PIERCE1: variants seen among roughly 807,000 people sequenced by gnomAD.
PIERCE1 encodes piercer of microtubule wall 1, also known as piercer of microtubule wall 1 protein.
the PIERCE1 span, chr9:135,498,651 A>T: frequency 1.2e-6 from 2 of 1,614,014 alleles, no homozygotes; most frequent in Non-Finnish European, 1.7e-6. The surrounding 1 kb of genome is among the most constrained non-coding windows in gnomAD (Gnocchi z 4.1). Context: ...ACACGGAGAC[A>T]GCCTTCTGGG....
chr9:135,498,308 G>T, the PIERCE1 span, among the ~76,000 whole-genome samples: 2 of 152,068 alleles, frequency 1.3e-5, no homozygotes, highest in Non-Finnish European at 2.9e-5. The surrounding 1 kb of genome is among the most constrained non-coding windows in gnomAD (Gnocchi z 4.1). Flanking sequence ...CGTGTGGTTG[G>T]GTGTATGGGG....
the PIERCE1 span, chr9:135,495,545 G>A: frequency 3.7e-6 from 6 of 1,614,022 alleles, no homozygotes; most frequent in East Asian, 4.5e-5. Context: ...AACATTGAGA[G>A]TATTGTTCCG....
chr9:135,499,322 T>G, the PIERCE1 span: 4 of 441,080 alleles, frequency 9.1e-6, no homozygotes, highest in Non-Finnish European at 1.8e-5. Context: ...TCTTACTACT[T>G]CTTAGCCTGC....
the PIERCE1 span, chr9:135,495,737 G>T: frequency 1.1e-6 from 1 of 898,588 alleles, no homozygotes; most frequent in Non-Finnish European, 1.7e-6. Context: ...TGGGTAGGAT[G>T]GCCTGGCTCA....
chr9:135,498,298 C>T, the PIERCE1 span, among the ~76,000 whole-genome samples: 1 of 152,212 alleles, frequency 6.6e-6, no homozygotes. The surrounding 1 kb of genome is among the most constrained non-coding windows in gnomAD (Gnocchi z 4.1). Context: ...GACTGCTGTG[C>T]GTGTGGTTGG....
the PIERCE1 span, among the ~76,000 whole-genome samples, chr9:135,496,794 A>ATTTTTTTT: frequency 2.4e-5 from 3 of 122,726 alleles, 1 homozygote; most frequent in African/African-American, 9.5e-5. Context: ...CCTTCAGTGC[A>ATTTTTTTT]TTTTTTTTTT....
chr9:135,495,514 C>G, the PIERCE1 span: 1 of 1,613,962 alleles, frequency 6.2e-7, no homozygotes, highest in South Asian at 1.1e-5. Context: ...CGGGGCCAGT[C>G]ACGATGCTTT....
At chr9:135,498,016 AT>A in the PIERCE1 span, among the ~76,000 whole-genome samples, 2 of 152,064 alleles carry the variant, frequency 1.3e-5, no homozygotes, top group African/African-American at 4.8e-5. The surrounding 1 kb of genome is among the most constrained non-coding windows in gnomAD (Gnocchi z 4.1). Flanking sequence ...CTGGACCTTC[AT>A]GGGGTTTGGT....
chr9:135,495,754 A>G, the PIERCE1 span: 1 of 731,042 alleles, frequency 1.4e-6, no homozygotes, highest in Non-Finnish European at 2.2e-6. Flanking sequence ...CTCACCCCAG[A>G]CCATCCTAAT....
chr9:135,495,508 G>C, the PIERCE1 span: 4 of 1,613,980 alleles, frequency 2.5e-6, no homozygotes, highest in African/African-American at 5.3e-5. Context: ...AGTTATCGGG[G>C]CCAGTCACGA....
chr9:135,495,632 A>C, the PIERCE1 span: 1 of 1,588,636 alleles, frequency 6.3e-7, no homozygotes, highest in South Asian at 1.1e-5. Flanking sequence ...GAGATAAAGG[A>C]ACACGGATTA....
At chr9:135,497,591 T>A in the PIERCE1 span, among the ~76,000 whole-genome samples, 1 of 151,986 alleles carries the variant, frequency 6.6e-6, no homozygotes, top group Non-Finnish European at 1.5e-5. Context: ...AGCTAATTAT[T>A]TTATTTTATT....
chr9:135,499,209 C>A, the PIERCE1 span, among the ~76,000 whole-genome samples: 2 of 152,226 alleles, frequency 1.3e-5, no homozygotes, highest in Admixed American at 6.5e-5. Context: ...CATCTCAATG[C>A]GAGAATGAGG....
the PIERCE1 span, among the ~76,000 whole-genome samples, chr9:135,498,078 A>AG: frequency 6.6e-6 from 1 of 152,114 alleles, no homozygotes; most frequent in Non-Finnish European, 1.5e-5. The surrounding 1 kb of genome is among the most constrained non-coding windows in gnomAD (Gnocchi z 4.1). Flanking sequence ...AAGCTCAAAA[A>AG]GGGTTTGGCT....
the PIERCE1 span, among the ~76,000 whole-genome samples, chr9:135,498,173 G>A: frequency 6.6e-6 from 1 of 152,126 alleles, no homozygotes; most frequent in South Asian, 2.1e-4. The surrounding 1 kb of genome is among the most constrained non-coding windows in gnomAD (Gnocchi z 4.1). Context: ...TGCCTCTTCA[G>A]GTTACACGTT....
chr9:135,499,505 C>A, the PIERCE1 span: 4 of 763,330 alleles, frequency 5.2e-6, 1 homozygote, highest in South Asian at 5.9e-5. Context: ...CCCTGCCCCC[C>A]ACTGCCCTTA....
the PIERCE1 span, chr9:135,498,850 G>A: frequency 2.8e-5 from 17 of 603,450 alleles, no homozygotes; most frequent in East Asian, 4.3e-4. This position sits in a 1 kb window ranked among gnomAD's most constrained non-coding sequence, Gnocchi z 4.1. Context: ...TGAATGGCCC[G>A]GCCTCCCCGG....
chr9:135,498,928 C>T, the PIERCE1 span: 1 of 466,088 alleles, frequency 2.1e-6, no homozygotes, highest in Non-Finnish European at 3.9e-6. The surrounding 1 kb of genome is among the most constrained non-coding windows in gnomAD (Gnocchi z 4.1). Flanking sequence ...AGGCAGCCAG[C>T]AAGTGCTGAT....
At chr9:135,499,500 C>T in the PIERCE1 span, 10 of 747,768 alleles carry the variant, frequency 1.3e-5, no homozygotes. Context: ...CACGGCCCTG[C>T]CCCCCACTGC....
Sources: gnomAD v4.1 joint callset for allele counts (sites outside exome capture counted in the v4.1 genomes callset) on GRCh38, gnomAD v4.1.1 for gene constraint, Gnocchi (gnomAD v3.1) non-coding constraint, MANE v1.5 for transcripts, NCBI Gene and HGNC (gene_info 2026-07-23, HGNC 2026-07-21) for gene names.